Variants in IL1RAPL1 observed in about 807,000 individuals in gnomAD.
The protein encoded by IL1RAPL1 is interleukin 1 receptor accessory protein like 1.
Under a neutral mutation model 48.4 loss-of-function variants are expected in IL1RAPL1, and 3 were observed. That is an observed-to-expected ratio of 0.06 (90% CI 0.03 to 0.16). The LOEUF (loss-of-function observed/expected upper bound fraction) is 0.16, where lower values mean the gene tolerates loss of function less well. Among genes scored for constraint, IL1RAPL1 ranks in the 10% least tolerant of loss-of-function variants. The pLI, the probability that IL1RAPL1 is intolerant of heterozygous loss-of-function variation, is 1.00. For missense variants in IL1RAPL1, 349 were observed against 530.6 expected, an observed-to-expected ratio of 0.66 and a Z score of 3.36; for synonymous variants, 185 against 187.7, an observed-to-expected ratio of 0.99 and a Z score of 0.12.
At chrX:29,491,419 C>T (rs764554310) in intron 5 of IL1RAPL1, among the ~76,000 whole-genome samples, 1 of 112,492 alleles carries the variant, frequency 8.9e-6, no homozygotes, top group Non-Finnish European at 1.9e-5. Flanking sequence ...CAGTATATGT[C>T]ACCATTTTTA....
chrX:28,688,103 C>CAAAAA (rs55752146), intron 1 of IL1RAPL1, among the ~76,000 whole-genome samples: 22 of 49,929 alleles, frequency 4.4e-4, no homozygotes, highest in East Asian at 2.1e-3. Flanking sequence ...GACTCTGTCT[C>CAAAAA]AAAAAAAAAA....
intron 5 of IL1RAPL1, among the ~76,000 whole-genome samples, chrX:29,570,558 CCTTT>C (rs1428407452): frequency 4.5e-5 from 5 of 111,819 alleles, no homozygotes; most frequent in African/African-American, 1.6e-4. Context: ...TAGGTGGCTT[CCTTT>C]GTTTTCTCAG....
At chrX:29,507,238 T>C (rs1602269685) in intron 5 of IL1RAPL1, among the ~76,000 whole-genome samples, 1 of 102,112 alleles carries the variant, frequency 9.8e-6, no homozygotes, top group African/African-American at 3.6e-5. Flanking sequence ...TTTTATTTTT[T>C]CTTTCTTTCT....
chrX:29,950,668 GCCT>G (rs1370326859), intron 9 of IL1RAPL1, among the ~76,000 whole-genome samples: 1 of 96,579 alleles, frequency 1.0e-5, no homozygotes, highest in Non-Finnish European at 2.1e-5. Flanking sequence ...AGATCCTAAG[GCCT>G]TTTTTTTTTT....
rs75034592 is a variant in IL1RAPL1 at position 29,953,404 on chromosome X, T to A, written c.1202-1118T>A. Reference sequence around the variant, plus strand: ...ATTCTTAGAAACAACAAGTGAGAAATCTGAGATGGTATATTAGAAAAATTA... The same window carrying A: ...ATTCTTAGAAACAACAAGTGAGAAAACTGAGATGGTATATTAGAAAAATTA... On this transcript the variant is annotated intron_variant, in intron 9 of 10. Coordinates refer to ENST00000378993, the MANE Select transcript of IL1RAPL1 (RefSeq NM_014271.4). 3.9e-3 allele frequency among the ~76,000 whole-genome samples: 433 copies of A among 112,068 alleles called. 3 individuals carry two copies. Among genetic ancestry groups the A allele is most frequent in the Non-Finnish European group, 5.8e-3 (306 of 53,158 alleles).
At chrX:29,276,754 A>G (rs1932126139) in intron 2 of IL1RAPL1, among the ~76,000 whole-genome samples, 1 of 111,312 alleles carries the variant, frequency 9.0e-6, no homozygotes, top group African/African-American at 3.3e-5. Context: ...GGGCTTAAAG[A>G]ATCCTCCCAC....
At chrX:29,096,529 G>T (rs1442115994) in intron 2 of IL1RAPL1, among the ~76,000 whole-genome samples, 1 of 110,835 alleles carries the variant, frequency 9.0e-6, no homozygotes, top group African/African-American at 3.3e-5. Context: ...TGGAAACCCA[G>T]GGTATTCACC....
intron 2 of IL1RAPL1, among the ~76,000 whole-genome samples, chrX:28,796,446 A>G (rs904284952): frequency 2.7e-5 from 3 of 112,009 alleles, no homozygotes; most frequent in Non-Finnish European, 5.6e-5. Flanking sequence ...CCTAGATACA[A>G]TGGGGGTACA....
At chrX:29,026,069 C>T (rs1926479547) in intron 2 of IL1RAPL1, among the ~76,000 whole-genome samples, 1 of 111,843 alleles carries the variant, frequency 8.9e-6, no homozygotes, top group Non-Finnish European at 1.9e-5. Context: ...TAGTTTTTGC[C>T]TTTACTAAGG....
chrX:28,749,790 T>G (rs1936018825), intron 1 of IL1RAPL1, among the ~76,000 whole-genome samples: 1 of 110,702 alleles, frequency 9.0e-6, no homozygotes, highest in African/African-American at 3.3e-5. Context: ...GCTGCCTATA[T>G]TTTTAAGTTC....
At chrX:29,618,625 C>T (rs1924366165) in intron 5 of IL1RAPL1, among the ~76,000 whole-genome samples, 1 of 112,045 alleles carries the variant, frequency 8.9e-6, no homozygotes, top group Admixed American at 9.5e-5. Flanking sequence ...TCTCTGTAGT[C>T]AAGTCTCTCT....
intron 8 of IL1RAPL1, 30 bp from the exon 9 acceptor site, chrX:29,941,616 CCATAT>C (rs1163982034): frequency 3.0e-5 from 36 of 1,185,910 alleles, no homozygotes; most frequent in Non-Finnish European, 3.8e-5. Flanking sequence ...GATGTGAATA[CCATAT>C]AATTCCCCAT....
At chrX:29,293,623 A>G (rs771889096) in intron 3 of IL1RAPL1, among the ~76,000 whole-genome samples, 1 of 111,396 alleles carries the variant, frequency 9.0e-6, no homozygotes, top group Non-Finnish European at 1.9e-5. Flanking sequence ...TCAACCATGG[A>G]TATAACATGT....
intron 6 of IL1RAPL1, among the ~76,000 whole-genome samples, chrX:29,732,624 G>T (rs1170841547): frequency 8.9e-6 from 1 of 112,044 alleles, no homozygotes; most frequent in Non-Finnish European, 1.9e-5. Flanking sequence ...CTCATTACTT[G>T]TCCTATACAT....
chrX:29,149,597 A>G (rs1929420361), intron 2 of IL1RAPL1, among the ~76,000 whole-genome samples: 1 of 111,676 alleles, frequency 9.0e-6, no homozygotes, highest in Non-Finnish European at 1.9e-5. Context: ...ACGGAGCCCA[A>G]CCCTCTCTTT....
chrX:29,661,143 A>T (rs1186472793), intron 5 of IL1RAPL1, among the ~76,000 whole-genome samples: 1 of 112,212 alleles, frequency 8.9e-6, no homozygotes, highest in South Asian at 3.6e-4. Context: ...GTGTATAGAA[A>T]TGCTACTAAT....
intron 6 of IL1RAPL1, among the ~76,000 whole-genome samples, chrX:29,877,371 T>A (rs960411826): frequency 9.0e-6 from 1 of 111,710 alleles, no homozygotes; most frequent in African/African-American, 3.3e-5. Flanking sequence ...CACTGAGGCA[T>A]CAGCATCCCA....
intron 8 of IL1RAPL1, among the ~76,000 whole-genome samples, chrX:29,928,704 A>ATAGC (rs1451446514): frequency 1.8e-5 from 2 of 111,851 alleles, no homozygotes; most frequent in Admixed American, 9.5e-5. Context: ...GAAGAGGGAG[A>ATAGC]TAGCTGTGCA....
intron 5 of IL1RAPL1, among the ~76,000 whole-genome samples, chrX:29,491,209 G>A (rs183647403): frequency 9.0e-6 from 1 of 111,699 alleles, no homozygotes; most frequent in Admixed American, 9.5e-5. Context: ...ATATTCAATG[G>A]AAGCATATCA....
Sources: gnomAD v4.1 joint callset for allele counts (sites outside exome capture counted in the v4.1 genomes callset) on GRCh38, gnomAD v4.1.1 for gene constraint, MANE v1.5 for transcripts, NCBI Gene and HGNC (gene_info 2026-07-23, HGNC 2026-07-21) for gene names.